The following EXOC4 variants were observed in gnomAD, a reference collection of about 807,000 sequenced individuals.
EXOC4 encodes the protein SEC8-like 1.
Under a neutral mutation model 107.2 loss-of-function variants are expected in EXOC4, and 71 were observed. That is an observed-to-expected ratio of 0.66 (90% CI 0.55 to 0.81). EXOC4 has a LOEUF of 0.81. EXOC4 is among the 30% of genes least tolerant of loss of function. The pLI, the probability that EXOC4 is intolerant of heterozygous loss-of-function variation, is 0.00. For missense variants in EXOC4, 1,108 were observed against 1,189.6 expected, an observed-to-expected ratio of 0.93 and a Z score of 1.01; for synonymous variants, 456 against 441.2, an observed-to-expected ratio of 1.03 and a Z score of -0.42.
At chr7:133,417,131 G>A (rs1032967993) in intron 7 of EXOC4, among the ~76,000 whole-genome samples, 1 of 152,164 alleles carries the variant, frequency 6.6e-6, no homozygotes, top group Non-Finnish European at 1.5e-5. Flanking sequence ...TTGCAGGGCT[G>A]CAAGGAAAGA....
intron 11 of EXOC4, among the ~76,000 whole-genome samples, chr7:133,835,853 A>C (rs1352402266): frequency 1.3e-5 from 2 of 152,202 alleles, no homozygotes; most frequent in Non-Finnish European, 2.9e-5. Flanking sequence ...ACTCTTTCTC[A>C]ACCAGCTTTA....
At chr7:133,815,744 C>T (rs1797353705) in intron 10 of EXOC4, among the ~76,000 whole-genome samples, 1 of 152,192 alleles carries the variant, frequency 6.6e-6, no homozygotes. Flanking sequence ...TCATCCTCTG[C>T]ATCCCTTTGG....
At chr7:133,703,154 A>G (rs888946586) in intron 10 of EXOC4, among the ~76,000 whole-genome samples, 1 of 152,212 alleles carries the variant, frequency 6.6e-6, no homozygotes, top group Non-Finnish European at 1.5e-5. Flanking sequence ...ATTATCACTG[A>G]ACATAGTCAC....
At chr7:133,823,935 T>TA (rs1253292492) in intron 11 of EXOC4, among the ~76,000 whole-genome samples, 4 of 100,730 alleles carry the variant, frequency 4.0e-5, no homozygotes, top group East Asian at 5.9e-4. Flanking sequence ...ATTATATATA[T>TA]ATTATATATA....
intron 9 of EXOC4, among the ~76,000 whole-genome samples, chr7:133,514,714 CA>C (rs1401744679): frequency 3.3e-5 from 5 of 152,056 alleles, no homozygotes; most frequent in Admixed American, 2.0e-4. Context: ...AACATTTGTA[CA>C]GAAGAATAGG....
chr7:133,795,754 G>A (rs1317103404), intron 10 of EXOC4, among the ~76,000 whole-genome samples: 1 of 152,162 alleles, frequency 6.6e-6, no homozygotes, highest in Non-Finnish European at 1.5e-5. Context: ...ATTCAGGGAG[G>A]GCAGAGGAGT....
At chr7:133,253,541 A>T (rs1385710538) in intron 1 of EXOC4, 3 of 1,008,872 alleles carry the variant, frequency 3.0e-6, no homozygotes, top group Non-Finnish European at 3.6e-6. Flanking sequence ...TGCCTGTAGC[A>T]GCACTCACTG....
At chr7:134,084,829 G>A in the EXOC4 span, among the ~76,000 whole-genome samples, 2 of 152,014 alleles carry the variant, frequency 1.3e-5, no homozygotes, top group Non-Finnish European at 2.9e-5. Flanking sequence ...GTTTAATTGA[G>A]CAATGAATGA....
At chr7:133,523,732 G>T (rs547582077) in intron 9 of EXOC4, among the ~76,000 whole-genome samples, 1,923 of 152,124 alleles carry the variant, frequency 0.013, 32 homozygotes, top group African/African-American at 0.044. Context: ...TGAGAATGAT[G>T]ATTTCCAATT....
intron 9 of EXOC4, among the ~76,000 whole-genome samples, chr7:133,518,284 C>T (rs1352273556): frequency 6.6e-6 from 1 of 151,152 alleles, no homozygotes; most frequent in Non-Finnish European, 1.5e-5. Flanking sequence ...AAATTTTGCC[C>T]CCCACCCCCT....
chr7:133,417,287 A>T (rs1797499741), intron 7 of EXOC4, among the ~76,000 whole-genome samples: 1 of 152,210 alleles, frequency 6.6e-6, no homozygotes, highest in South Asian at 2.1e-4. Context: ...AAAAGAAATC[A>T]CCAGTAATTA....
chr7:134,073,074 C>T, the EXOC4 span, among the ~76,000 whole-genome samples: 18 of 151,468 alleles, frequency 1.2e-4, no homozygotes, highest in South Asian at 1.5e-3. Flanking sequence ...GGCATAGTGG[C>T]GGGTGCTTAT....
rs536834348 is a variant in EXOC4, at chr7:133,995,990, G to A, written c.2207-1502G>A. On this transcript the variant is annotated intron_variant, in intron 14 of 17. Coordinates refer to ENST00000253861, the MANE Select transcript of EXOC4 (RefSeq NM_021807.4). ...GTCCAGAGAGCCTCTTTCTTCCAAA[G>A]GACTCTTTGAAAAAGAGAAGGATGT... Among the ~76,000 whole-genome samples, 27 of 152,088 alleles carry A rather than the reference G, an allele frequency of 1.8e-4. 1 individual carries two copies. In the South Asian group the frequency reaches 4.8e-3, roughly 27 times the overall value.
intron 5 of EXOC4, among the ~76,000 whole-genome samples, chr7:133,342,051 T>C (rs1795673568): frequency 1.3e-5 from 2 of 152,190 alleles, no homozygotes; most frequent in Admixed American, 1.3e-4. Context: ...TATTGAGATG[T>C]GAGGTACTGT....
intron 7 of EXOC4, among the ~76,000 whole-genome samples, chr7:133,414,787 C>G (rs2150750361): frequency 6.6e-6 from 1 of 152,226 alleles, no homozygotes; most frequent in Middle Eastern, 3.4e-3. Context: ...TGATACCATA[C>G]AGTTTACCAA....
intron 10 of EXOC4, among the ~76,000 whole-genome samples, chr7:133,745,947 G>A (rs570012348): frequency 1.3e-4 from 19 of 151,914 alleles, no homozygotes; most frequent in East Asian, 5.8e-4. Flanking sequence ...ACTTTTCTGT[G>A]TTTTTCAGTC....
chr7:133,497,603 G>T (rs1799502664), intron 9 of EXOC4, among the ~76,000 whole-genome samples: 2 of 151,988 alleles, frequency 1.3e-5, no homozygotes. Flanking sequence ...GCTAACTTTT[G>T]TATTTTTAGT....
At position 133,625,401 on chromosome 7, in the gene EXOC4, C is replaced by T. The variant is rs185599766; in HGVS notation, c.1418-4644C>T. On this transcript the variant is annotated intron_variant, in intron 9 of 17. Coordinates refer to ENST00000253861, the MANE Select transcript of EXOC4 (RefSeq NM_021807.4). ...TTTAAATAATTTTATCACACTTATG[C>T]TAATAATGAATAGTGGTCTGATGTT... Among the ~76,000 whole-genome samples the T allele has an allele frequency of 8.7e-4, 132 of 152,302 alleles. 2 individuals are homozygous for T. The highest frequency in any genetic ancestry group is 7.8e-3 in the Admixed American group (120 of 15,292).
intron 10 of EXOC4, among the ~76,000 whole-genome samples, chr7:133,640,965 C>G (rs966782619): frequency 6.6e-6 from 1 of 151,852 alleles, no homozygotes; most frequent in Non-Finnish European, 1.5e-5. Context: ...TGCAGAATGC[C>G]TGGGCTCAAG....
Sources: allele counts gnomAD v4.1 joint callset (sites outside exome capture counted in the v4.1 genomes callset), GRCh38; gene constraint gnomAD v4.1.1; transcripts MANE v1.5; gene names NCBI Gene and HGNC (gene_info 2026-07-23, HGNC 2026-07-21).